PPP2R5E: variants seen among roughly 807,000 people sequenced by gnomAD.
The protein encoded by PPP2R5E is protein phosphatase 2 regulatory subunit B'epsilon.
A neutral mutation model predicts 65.3 loss-of-function variants in PPP2R5E; 4 were observed. That is an observed-to-expected ratio of 0.06 (90% confidence interval 0.03 to 0.14). PPP2R5E has a LOEUF of 0.14. PPP2R5E is among the 10% of genes least tolerant of loss of function. PPP2R5E has a pLI of 1.00. For missense variants in PPP2R5E, 274 were observed against 556.1 expected, an observed-to-expected ratio of 0.49 and a Z score of 5.10; for synonymous variants, 183 against 187.4, an observed-to-expected ratio of 0.98 and a Z score of 0.19.
At chr14:63,385,026 C>T (rs1884582564) in intron 11 of PPP2R5E, among the ~76,000 whole-genome samples, 1 of 151,164 alleles carries the variant, frequency 6.6e-6, no homozygotes, top group African/African-American at 2.4e-5. Context: ...TTTTTAATCT[C>T]TTGGAAAATT....
chr14:63,448,937 A>T (rs1888663328), intron 3 of PPP2R5E, among the ~76,000 whole-genome samples: 1 of 152,192 alleles, frequency 6.6e-6, no homozygotes, highest in Admixed American at 6.5e-5. Context: ...TTAATTGTTA[A>T]AAATGGTTTC....
intron 2 of PPP2R5E, among the ~76,000 whole-genome samples, chr14:63,523,536 T>C (rs1285439055): frequency 2.0e-5 from 3 of 151,400 alleles, no homozygotes; most frequent in Non-Finnish European, 4.4e-5. Flanking sequence ...TCATCACCAC[T>C]CCCTAATCTC....
At chr14:63,490,406 A>G (rs1365844818) in intron 2 of PPP2R5E, among the ~76,000 whole-genome samples, 1 of 152,152 alleles carries the variant, frequency 6.6e-6, no homozygotes, top group African/African-American at 2.4e-5. Flanking sequence ...ATTAAACTAA[A>G]GCACTTCCGC....
At chr14:63,422,188 C>T in intron 3 of PPP2R5E, 94 bp from the exon 4 acceptor site, 2 of 991,348 alleles carry the variant, frequency 2.0e-6, no homozygotes, top group Non-Finnish European at 3.1e-6. Flanking sequence ...ACCCAGATAA[C>T]AATGCACAAG....
chr14:63,514,537 A>G (rs1892588888), intron 2 of PPP2R5E, among the ~76,000 whole-genome samples: 1 of 152,168 alleles, frequency 6.6e-6, no homozygotes, highest in African/African-American at 2.4e-5. Context: ...CTAGAAGAAT[A>G]TTTAAGATGC....
At chr14:63,502,977 CAAAG>C (rs1891968466) in intron 2 of PPP2R5E, among the ~76,000 whole-genome samples, 1 of 152,080 alleles carries the variant, frequency 6.6e-6, no homozygotes. Context: ...AACAAAAATA[CAAAG>C]ACAGAGGACT....
At chr14:63,467,009 G>A (rs1253698565) in intron 2 of PPP2R5E, among the ~76,000 whole-genome samples, 8 of 152,010 alleles carry the variant, frequency 5.3e-5, no homozygotes, top group South Asian at 2.1e-4. Context: ...GGCAAATCAC[G>A]AGGTCAGGAG....
chr14:63,446,322 T>C (rs1180041123), intron 3 of PPP2R5E, among the ~76,000 whole-genome samples: 2 of 152,212 alleles, frequency 1.3e-5, no homozygotes, highest in Non-Finnish European at 2.9e-5. Flanking sequence ...ATATTTCGAC[T>C]TCCTCCTGTG....
chr14:63,397,239 T>C (rs373774774), intron 5 of PPP2R5E, among the ~76,000 whole-genome samples: 6 of 152,180 alleles, frequency 3.9e-5, no homozygotes, highest in Admixed American at 2.6e-4. Context: ...TGGTGACTCA[T>C]GCCTGTAATC....
At chr14:63,411,714 CCT>C (rs1464578021) in intron 5 of PPP2R5E, among the ~76,000 whole-genome samples, 3 of 150,738 alleles carry the variant, frequency 2.0e-5, no homozygotes, top group Admixed American at 1.3e-4. Flanking sequence ...CTGTCTTGCT[CCT>C]CTCTCACCAC....
intron 2 of PPP2R5E, among the ~76,000 whole-genome samples, chr14:63,456,460 C>G (rs975164800): frequency 5.9e-5 from 9 of 152,196 alleles, no homozygotes; most frequent in Admixed American, 3.3e-4. Context: ...TCCACCTGTC[C>G]AGTGGAATAA....
At chr14:63,542,228 T>A (rs894517280) in intron 1 of PPP2R5E, among the ~76,000 whole-genome samples, 6 of 152,026 alleles carry the variant, frequency 3.9e-5, no homozygotes, top group Non-Finnish European at 5.9e-5. Context: ...AAACTGAACG[T>A]AAGGTAACAG....
chr14:63,433,212 A>G (rs1463749290), intron 3 of PPP2R5E, among the ~76,000 whole-genome samples: 1 of 151,426 alleles, frequency 6.6e-6, no homozygotes, highest in Non-Finnish European at 1.5e-5. Flanking sequence ...TAATTTTTAT[A>G]TTTTTAGTAG....
chr14:63,510,266 G>C (rs1156827935), intron 2 of PPP2R5E, among the ~76,000 whole-genome samples: 1 of 152,184 alleles, frequency 6.6e-6, no homozygotes, highest in East Asian at 1.9e-4. Context: ...CTAGGGAAGA[G>C]CCACCACTAA....
At chr14:63,467,229 AACAAACAAACAAAC>A (rs201372349) in intron 2 of PPP2R5E, among the ~76,000 whole-genome samples, 3,448 of 136,374 alleles carry the variant, frequency 0.025, 480 homozygotes, top group East Asian at 0.12. Context: ...TCTCAAAAAA[AACAAACAAACAAAC>A]AAAAAAAACA....
In PPP2R5E at chr14:63,451,671, G is replaced by A. The variant is rs567482076; in HGVS notation, c.354+2018C>T. 2.0e-5 allele frequency: 3 copies of A among 152,260 alleles called. No individual in the cohort carries two copies. In the South Asian group the frequency reaches 6.2e-4, roughly 32 times the overall value. The allele number at this position is 152,260 out of a possible 1,614,324, so 9.4% of individuals were successfully genotyped here. A position where few individuals can be genotyped will look rare whatever the true frequency, so the allele number is the denominator to read the frequency against. ...TTACACATTTGTCTAAACTCAGAAT[G>A]TCCAACACCAAGAATGAGCCCTAAC... On this transcript the variant is annotated intron_variant, in intron 3 of 13. Transcript: ENST00000337537.
chr14:63,535,131 T>C (rs1481528047), intron 2 of PPP2R5E, among the ~76,000 whole-genome samples: 1 of 152,046 alleles, frequency 6.6e-6, no homozygotes. Context: ...CTATTAGACA[T>C]AGGGCAAAAT....
rs569629237 is a variant in PPP2R5E at position 63,472,383 on chromosome 14, C to G, written c.158-18498G>C. Reference sequence around the variant, plus strand: ...TTCAAAGTCTTCTCTAACCTTCCAGCCTTCTCCTTTGCACTAAAGCTGGCT... The same window carrying G: ...TTCAAAGTCTTCTCTAACCTTCCAGGCTTCTCCTTTGCACTAAAGCTGGCT... On this transcript the variant is annotated intron_variant, in intron 2 of 13. Transcript: ENST00000337537. Among the ~76,000 whole-genome samples, 7 of 152,316 alleles carry G rather than the reference C, an allele frequency of 4.6e-5. No homozygotes were observed. The South Asian group carries it at 1.5e-3, about 32-fold the overall frequency.
chr14:63,504,548 C>T (rs1271586530), intron 2 of PPP2R5E, among the ~76,000 whole-genome samples: 3 of 152,196 alleles, frequency 2.0e-5, no homozygotes, highest in African/African-American at 7.2e-5. Flanking sequence ...CACCACTGTA[C>T]TCCAGCCTCG....
Sources: gnomAD v4.1 joint callset for allele counts (sites outside exome capture counted in the v4.1 genomes callset) on GRCh38, gnomAD v4.1.1 for gene constraint, MANE v1.5 for transcripts, NCBI Gene and HGNC (gene_info 2026-07-23, HGNC 2026-07-21) for gene names.